Variants in MTRF1 observed in about 807,000 individuals in gnomAD.
MTRF1 encodes the protein peptide chain release factor 1, mitochondrial.
Under a neutral mutation model 62.9 loss-of-function variants are expected in MTRF1, and 51 were observed. The ratio of observed to expected loss-of-function variants is 0.81; its 90% CI spans 0.65 to 1.02. The LOEUF is 1.02. Ranked by LOEUF, MTRF1 falls within the 50% of genes least tolerant of loss-of-function variation. MTRF1 has a pLI of 0.00. For synonymous variants in MTRF1, 158 were observed against 181.9 expected (o/e 0.87, Z 1.06); for missense variants, 446 against 530.0 (o/e 0.84, Z 1.56).
chr13:41,292,380 C>T, the MTRF1 span, among the ~76,000 whole-genome samples: 3 of 151,908 alleles, frequency 2.0e-5, no homozygotes, highest in Admixed American at 2.0e-4. Context: ...GTCAGGAGAT[C>T]GAGACCATCC....
the MTRF1 span, among the ~76,000 whole-genome samples, chr13:41,283,734 C>T: frequency 6.6e-6 from 1 of 150,570 alleles, no homozygotes; most frequent in South Asian, 2.1e-4. Context: ...GGACCACAGG[C>T]GCCCGCCACT....
intron 5 of MTRF1, among the ~76,000 whole-genome samples, chr13:41,242,858 C>G (rs2037705773): frequency 6.6e-6 from 1 of 152,016 alleles, no homozygotes. Context: ...CTGAGGGGGG[C>G]AGACAGCGGG....
chr13:41,234,688 G>T (rs1009186129), intron 6 of MTRF1, among the ~76,000 whole-genome samples: 28 of 152,232 alleles, frequency 1.8e-4, no homozygotes, highest in African/African-American at 6.3e-4. Context: ...AAATTTATTT[G>T]TATCCACAAA....
chr13:41,301,476 G>A, the MTRF1 span, among the ~76,000 whole-genome samples: 12 of 152,230 alleles, frequency 7.9e-5, no homozygotes, highest in African/African-American at 2.4e-4. Flanking sequence ...GGTTGGGTGC[G>A]GTGGCTCATA....
chr13:41,223,605 T>C (rs932671283), intron 8 of MTRF1, among the ~76,000 whole-genome samples: 4 of 152,174 alleles, frequency 2.6e-5, no homozygotes, highest in African/African-American at 9.7e-5. Flanking sequence ...AAATTAATCA[T>C]CTTTCCACTC....
At chr13:41,228,277 T>C (rs553967779) in intron 7 of MTRF1, among the ~76,000 whole-genome samples, 4 of 152,140 alleles carry the variant, frequency 2.6e-5, no homozygotes, top group South Asian at 4.2e-4. Flanking sequence ...TACTGAATAA[T>C]AGAAGGGGGC....
chr13:41,275,227 G>A, the MTRF1 span, among the ~76,000 whole-genome samples: 2 of 151,090 alleles, frequency 1.3e-5, no homozygotes. Context: ...TTTAAACAGA[G>A]TCTCGCTCTG....
chr13:41,294,651 T>C, the MTRF1 span, among the ~76,000 whole-genome samples: 1 of 152,088 alleles, frequency 6.6e-6, no homozygotes, highest in Non-Finnish European at 1.5e-5. Flanking sequence ...GAAAAAACTT[T>C]ATATGGTAAA....
chr13:41,264,833 C>T (rs9315824), upstream of MTRF1, among the ~76,000 whole-genome samples: 13,807 of 152,190 alleles, frequency 0.091, 866 homozygotes, highest in African/African-American at 0.17. Flanking sequence ...GGCTCCTAAG[C>T]TCTGATATAG....
intron 5 of MTRF1, among the ~76,000 whole-genome samples, chr13:41,241,801 T>C (rs908399133): frequency 1.3e-5 from 2 of 152,228 alleles, no homozygotes; most frequent in African/African-American, 2.4e-5. Flanking sequence ...TGCTGCCCTC[T>C]GTATCGGCAG....
Position 41,226,338 on chromosome 13 carries a change from C to T in MTRF1, c.1125+94G>A, listed in dbSNP as rs1051977260. On this transcript the variant is annotated intron_variant, in intron 8 of 9. Transcript: ENST00000379480. Reference sequence around the variant, plus strand: ...GAGCACATTTCTCTATGCTCTAAAACATTCCCATTTAAGCAAGAACAAACA... The same window carrying T: ...GAGCACATTTCTCTATGCTCTAAAATATTCCCATTTAAGCAAGAACAAACA... The T allele has an allele frequency of 5.7e-5, 73 of 1,289,970 alleles. No individual in the cohort carries two copies. The Admixed American group carries it at 1.6e-3, about 29-fold the overall frequency. The allele number at this position is 1,289,970 out of a possible 1,614,324, so 79.9% of individuals were successfully genotyped here.
At chr13:41,266,797 C>T (rs1297819005), upstream of MTRF1, among the ~76,000 whole-genome samples, 3 of 151,962 alleles carry the variant, frequency 2.0e-5, no homozygotes, top group South Asian at 2.1e-4. Flanking sequence ...TCGAGACCAT[C>T]CTGGCTAACA....
intron 5 of MTRF1, among the ~76,000 whole-genome samples, chr13:41,249,694 T>C (rs1423419265): frequency 2.1e-5 from 3 of 140,258 alleles, no homozygotes; most frequent in Non-Finnish European, 3.1e-5. Flanking sequence ...TGGCATGATC[T>C]TGGCCCACTG....
chr13:41,281,640 T>G, the MTRF1 span, among the ~76,000 whole-genome samples: 42 of 152,314 alleles, frequency 2.8e-4, no homozygotes, highest in East Asian at 7.9e-3. Flanking sequence ...AGAACGTGTT[T>G]AGATTTAGCC....
chr13:41,248,339 C>T (rs1040477435), intron 5 of MTRF1, among the ~76,000 whole-genome samples: 1 of 152,220 alleles, frequency 6.6e-6, no homozygotes, highest in African/African-American at 2.4e-5. Flanking sequence ...CCAAGATGGT[C>T]TCGACCTCCT....
chr13:41,311,667 G>C, the MTRF1 span: 1 of 1,329,648 alleles, frequency 7.5e-7, no homozygotes, highest in Non-Finnish European at 1.0e-6. Context: ...CGGCCGGCGC[G>C]GGCCAGGCTT....
At chr13:41,223,003 C>T (rs970174166) in intron 9 of MTRF1, among the ~76,000 whole-genome samples, 2 of 152,128 alleles carry the variant, frequency 1.3e-5, no homozygotes, top group Admixed American at 6.6e-5. Flanking sequence ...ACTGAATATA[C>T]GTTCATGCAT....
the MTRF1 span, among the ~76,000 whole-genome samples, chr13:41,283,585 C>CTTTT: frequency 0.66 from 54,755 of 83,330 alleles, 20,950 homozygotes; most frequent in East Asian, 0.82. Context: ...CTCTGACAAT[C>CTTTT]TTTTTTTTTT....
In MTRF1 at chr13:41,240,430, C is replaced by A; in HGVS notation, c.701G>T (p.Gly234Val). ...LLNYTPADYG[G>V]LHHAAARISG... Reference sequence around the variant, plus strand: ...AATTCGGGCGGCTGCATGATGTAGTCCACCTAGGGGAACAACAATCCAGAA... The same window carrying A: ...AATTCGGGCGGCTGCATGATGTAGTACACCTAGGGGAACAACAATCCAGAA... Residue 234 changes from glycine to valine, a missense_variant, in exon 6 of 10, where the codon GGA (glycine) becomes GTA (valine). Transcript: ENST00000379480. 2 of 1,612,452 alleles carry A rather than the reference C, an allele frequency of 1.2e-6. No individual in the cohort carries two copies. The highest frequency in any genetic ancestry group is 2.2e-5 in the South Asian group (2 of 90,704).
Sources: allele counts gnomAD v4.1 joint callset (sites outside exome capture counted in the v4.1 genomes callset), GRCh38; gene constraint gnomAD v4.1.1; transcripts MANE v1.5; gene names NCBI Gene and HGNC (gene_info 2026-07-23, HGNC 2026-07-21).